The following ERBB4 variants were observed in gnomAD, a reference collection of about 807,000 sequenced individuals.
The protein encoded by ERBB4 is receptor tyrosine-protein kinase erbB-4.
In ERBB4, 42 loss-of-function variants were observed where a neutral mutation model predicts 158.0. That is an observed-to-expected ratio of 0.27 (90% CI 0.21 to 0.34). ERBB4 has a LOEUF of 0.34. Ranked by LOEUF, ERBB4 falls within the 10% of genes least tolerant of loss-of-function variation. ERBB4 has a pLI of 1.00. For missense variants in ERBB4, 1,333 were observed against 1,624.1 expected (o/e 0.82, Z 3.08); for synonymous variants, 583 against 558.7 (o/e 1.04, Z -0.61).
In ERBB4 at chr2:211,944,197, ATAC is replaced by A. The variant is rs199820456; in HGVS notation, c.421+3230_421+3232del. On this transcript the variant is annotated intron_variant, in intron 3 of 27. Transcript: ENST00000342788. ...ATATACTATATATATATATATATAT[ATAC>A]TATATATATATATACACACACACAC... Among the ~76,000 whole-genome samples the A allele has an allele frequency of 8.0e-3, 356 of 44,342 alleles. 7 individuals are homozygous for A. The highest frequency in any genetic ancestry group is 0.027 in the African/African-American group (277 of 10,348). The allele number at this position is 44,342 out of a possible 152,430, so 29.1% of individuals were successfully genotyped here.
chr2:211,546,422 T>G (rs191804502), intron 20 of ERBB4, among the ~76,000 whole-genome samples: 174 of 152,268 alleles, frequency 1.1e-3, no homozygotes, highest in Non-Finnish European at 1.9e-3. Flanking sequence ...ATTTTTAAAC[T>G]TTCTTATAGA....
At chr2:211,823,224 T>C (rs1410028926) in intron 3 of ERBB4, among the ~76,000 whole-genome samples, 1 of 151,986 alleles carries the variant, frequency 6.6e-6, no homozygotes, top group Admixed American at 6.6e-5. Context: ...ATGAATCATC[T>C]TGGGGCAATA....
At chr2:212,244,779 C>G (rs558627824) in intron 1 of ERBB4, among the ~76,000 whole-genome samples, 1 of 152,252 alleles carries the variant, frequency 6.6e-6, no homozygotes, top group Non-Finnish European at 1.5e-5. Context: ...GCCAGAGAAT[C>G]CCAATGATCT....
chr2:211,597,320 C>T (rs940004493), intron 19 of ERBB4, among the ~76,000 whole-genome samples: 1 of 152,166 alleles, frequency 6.6e-6, no homozygotes, highest in African/African-American at 2.4e-5. Context: ...GCAAACATCA[C>T]TGAACTTAAC....
chr2:212,238,152 G>T (rs1177828407), intron 1 of ERBB4, among the ~76,000 whole-genome samples: 1 of 152,208 alleles, frequency 6.6e-6, no homozygotes, highest in Non-Finnish European at 1.5e-5. Flanking sequence ...AGTTAGCTGG[G>T]TGTCTGCCCA....
intron 1 of ERBB4, among the ~76,000 whole-genome samples, chr2:212,404,839 C>A (rs147731604): frequency 6.6e-6 from 1 of 152,032 alleles, no homozygotes; most frequent in East Asian, 1.9e-4. Context: ...ATCTCTTGTT[C>A]CCCTTCTTTG....
chr2:211,630,342 A>T, intron 17 of ERBB4, 120 bp downstream of exon 17: 1 of 1,189,122 alleles, frequency 8.4e-7, no homozygotes, highest in Non-Finnish European at 1.2e-6. Flanking sequence ...CTATAAAATA[A>T]AAAACTTAAT....
intron 14 of ERBB4, among the ~76,000 whole-genome samples, chr2:211,668,597 T>A (rs2071715646): frequency 6.6e-6 from 1 of 152,278 alleles, no homozygotes; most frequent in East Asian, 1.9e-4. Context: ...ATGACTTTTT[T>A]TTTTGAGTCG....
At chr2:212,088,972 A>T (rs1022396350) in intron 2 of ERBB4, among the ~76,000 whole-genome samples, 1 of 152,110 alleles carries the variant, frequency 6.6e-6, no homozygotes, top group Non-Finnish European at 1.5e-5. Context: ...ACCTGAAAAT[A>T]CAGAAACAAA....
intron 2 of ERBB4, among the ~76,000 whole-genome samples, chr2:212,055,664 A>T (rs1267999257): frequency 6.6e-6 from 1 of 152,252 alleles, no homozygotes; most frequent in Non-Finnish European, 1.5e-5. Context: ...ACCCAGGCGA[A>T]CAGGATTTGG....
intron 1 of ERBB4, among the ~76,000 whole-genome samples, chr2:212,393,323 G>T (rs1265071204): frequency 6.6e-6 from 1 of 151,990 alleles, no homozygotes; most frequent in Admixed American, 6.6e-5. Flanking sequence ...TTTTAAGGGA[G>T]CTTTTTATAA....
chr2:212,110,346 C>A (rs1227622874), intron 2 of ERBB4, among the ~76,000 whole-genome samples: 3 of 152,234 alleles, frequency 2.0e-5, no homozygotes, highest in Non-Finnish European at 4.4e-5. Context: ...CTCTTCTTCT[C>A]TTCCAAGACT....
At chr2:212,509,927 CTTAA>C (rs1393962691) in intron 1 of ERBB4, among the ~76,000 whole-genome samples, 2 of 151,698 alleles carry the variant, frequency 1.3e-5, no homozygotes, top group Non-Finnish European at 3.0e-5. Context: ...ACTTTCAATG[CTTAA>C]TTAACAGTTA....
chr2:212,060,510 C>A (rs1459746534), intron 2 of ERBB4, among the ~76,000 whole-genome samples: 1 of 150,106 alleles, frequency 6.7e-6, no homozygotes, highest in African/African-American at 2.4e-5. Flanking sequence ...CACATGCACA[C>A]GTATGTTTAT....
rs150237475 is a variant in ERBB4 at position 212,160,538 on chromosome 2, T to C, written c.83-35635A>G. Reference sequence around the variant, plus strand: ...TGAATGAAAACAATGAAAAATAAAATGGCTGTTTTCTATGTCCCATTGTCT... The same window carrying C: ...TGAATGAAAACAATGAAAAATAAAACGGCTGTTTTCTATGTCCCATTGTCT... On this transcript the variant is annotated intron_variant, in intron 1 of 27. Transcript: ENST00000342788. Among the ~76,000 whole-genome samples, 6 of 152,068 alleles carry C rather than the reference T, an allele frequency of 3.9e-5. No homozygotes were observed. The East Asian group carries it at 7.8e-4, about 20-fold the overall frequency.
At chr2:211,454,490 A>G (rs2064329480) in intron 20 of ERBB4, among the ~76,000 whole-genome samples, 1 of 152,166 alleles carries the variant, frequency 6.6e-6, no homozygotes, top group Non-Finnish European at 1.5e-5. Context: ...CAGGCACCCA[A>G]TTGCACTGAT....
chr2:211,416,483 ATG>A (rs1466387841), intron 25 of ERBB4, among the ~76,000 whole-genome samples: 1 of 152,198 alleles, frequency 6.6e-6, no homozygotes, highest in Non-Finnish European at 1.5e-5. Flanking sequence ...GCCTGACCAT[ATG>A]TAAAAATAGA....
At chr2:211,817,358 C>T (rs1397988797) in intron 3 of ERBB4, among the ~76,000 whole-genome samples, 6 of 152,108 alleles carry the variant, frequency 3.9e-5, no homozygotes, top group Admixed American at 6.6e-5. Context: ...AAGGGGTTGT[C>T]GTAGACAGAG....
chr2:211,638,193 T>A (rs960720110), intron 16 of ERBB4, among the ~76,000 whole-genome samples: 4 of 152,032 alleles, frequency 2.6e-5, no homozygotes, highest in African/African-American at 9.7e-5. Flanking sequence ...GGGATTTCCT[T>A]TAAGAAAGGT....
Sources: allele counts gnomAD v4.1 joint callset (sites outside exome capture counted in the v4.1 genomes callset), GRCh38; gene constraint gnomAD v4.1.1; transcripts MANE v1.5; gene names NCBI Gene and HGNC (gene_info 2026-07-23, HGNC 2026-07-21).